Variants in FADS1 observed in about 807,000 individuals in gnomAD.
The protein encoded by FADS1 is fatty acid desaturase 1.
Under a neutral mutation model 61.6 loss-of-function variants are expected in FADS1, and 17 were observed. The observed-to-expected ratio is 0.28, with a 90% CI of 0.19 to 0.41. The LOEUF (loss-of-function observed/expected upper bound fraction) is 0.41, where lower values mean the gene tolerates loss of function less well. Ranked by LOEUF, FADS1 falls within the 10% of genes least tolerant of loss-of-function variation. The pLI is 1.00. For missense variants in FADS1, 387 were observed against 650.9 expected (o/e 0.59, Z 4.41); for synonymous variants, 238 against 258.7 (o/e 0.92, Z 0.77).
intron 1 of FADS1, chr11:61,814,905 G>A (rs2066963995): frequency 1.3e-5 from 2 of 152,584 alleles, no homozygotes; most frequent in South Asian, 4.1e-4. Flanking sequence ...CTTTCAATAA[G>A]TCCCTTTCCT....
In FADS1 at chr11:61,802,939, CG is replaced by C. The variant is rs770080578; in HGVS notation, c.1329-14del. The C allele has an allele frequency of 4.2e-5, 68 of 1,612,682 alleles. No homozygotes were observed. The highest frequency in any genetic ancestry group is 3.1e-4 in the East Asian group (14 of 44,878). On this transcript the variant is annotated splice_polypyrimidine_tract_variant and intron_variant, in intron 10 of 11. Coordinates refer to ENST00000350997, the MANE Select transcript of FADS1 (RefSeq NM_013402.7). The surrounding 1 kb of genome is among the most constrained non-coding windows in gnomAD (Gnocchi z 4.2). ...CGTGGGAAAAAGACTTTAGGGAGAA[CG>C]GGGGAGTCAGTGGTTCCTGCTTCTC...
chr11:61,813,439 C>T (rs532263086), intron 1 of FADS1, 86 bp from the exon 2 acceptor site: 213 of 756,300 alleles, frequency 2.8e-4, no homozygotes, highest in Non-Finnish European at 4.3e-4. Flanking sequence ...TCCTCCTGCC[C>T]GCCAGAAGGC....
Position 61,811,071 on chromosome 11 carries a change from T to C in FADS1, c.689A>G (p.Gln230Arg). The C allele has an allele frequency of 6.2e-7, 1 of 1,612,458 alleles. No individual in the cohort carries two copies. Among genetic ancestry groups the C allele is most frequent in the Non-Finnish European group, 8.5e-7 (1 of 1,179,808 alleles). The change falls in exon 4 of 12, where the codon CAG (glutamine) becomes CGG (arginine). Residue 230 changes from glutamine to arginine, a missense_variant. By Grantham distance (43) the Gln-to-Arg change is conservative. Coordinates refer to ENST00000350997, the MANE Select transcript of FADS1 (RefSeq NM_013402.7). ...AAAGTCATGCTGCAGCCAGCCAGCC[T>C]GGGCCTAGGTGAGAAGAGTCAACAC... ...CAVLLSAVQAQAGWLQHDFGH... is the reference protein window; with the variant it reads ...CAVLLSAVQARAGWLQHDFGH...
At position 61,803,346 on chromosome 11, in the gene FADS1, G is replaced by A. The variant is rs1278730733; in HGVS notation, c.1248+17C>T. ...TAGTTGTGTTATGCTCCAGTCTTCTGAGTGACTGTCCCTTACCTGGGTGGA... is the reference window on the plus strand; with the variant it reads ...TAGTTGTGTTATGCTCCAGTCTTCTAAGTGACTGTCCCTTACCTGGGTGGA... On this transcript the variant is annotated intron_variant, in intron 9 of 11. Transcript: ENST00000350997. This position sits in a 1 kb window ranked among gnomAD's most constrained non-coding sequence, Gnocchi z 4.3. 1 of 1,591,244 alleles carries A rather than the reference G, an allele frequency of 6.3e-7. No individual in the cohort carries two copies. The highest frequency in any genetic ancestry group is 8.6e-7 in the Non-Finnish European group (1 of 1,159,134).
At chr11:61,804,606 G>A in intron 7 of FADS1, 79 bp downstream of exon 7, 3 of 1,186,782 alleles carry the variant, frequency 2.5e-6, no homozygotes, top group Non-Finnish European at 3.7e-6. Context: ...TCAGTCTCAA[G>A]TTTCCCCTGG....
At position 61,812,489 on chromosome 11, in the gene FADS1, C is replaced by T; in HGVS notation, c.666G>A (p.Val222=). Residue 222 remains valine, a synonymous_variant, in exon 3 of 12, where the codon GTG becomes GTA. Coordinates refer to ENST00000350997, the MANE Select transcript of FADS1 (RefSeq NM_013402.7). The part of the protein sequence containing the change: ...TSFLPFLLCA[V]LLSAVQAQAG... ...CTCTCACCTGAACTGCACTGAGCAG[C>T]ACCGCACAGAGGAGGAAGGGCAAAA... 4 of 1,614,024 alleles carry T rather than the reference C, an allele frequency of 2.5e-6. No individual in the cohort carries two copies. Among genetic ancestry groups the T allele is most frequent in the Non-Finnish European group, 3.4e-6 (4 of 1,180,018 alleles).
Position 61,816,380 on chromosome 11 carries a change from C to A in FADS1, c.375+175G>T, listed in dbSNP as rs751709749. 7 of 1,598,502 alleles carry A rather than the reference C, an allele frequency of 4.4e-6. No homozygotes were observed. In the Admixed American group the frequency reaches 1.2e-4, roughly 27 times the overall value. On this transcript the variant is annotated intron_variant, in intron 1 of 11. Coordinates refer to ENST00000350997, the MANE Select transcript of FADS1 (RefSeq NM_013402.7). The surrounding 1 kb of genome is among the most constrained non-coding windows in gnomAD (Gnocchi z 7.0). ...ACTCCACTTCTCCAGGCCTCTCTCC[C>A]GCCTTTTCATCCCGCATCCGCAGGA...
intron 5 of FADS1, 89 bp downstream of exon 5, chr11:61,810,662 C>T: frequency 3.3e-6 from 5 of 1,536,818 alleles, no homozygotes; most frequent in Non-Finnish European, 3.6e-6. Flanking sequence ...GTCTTGCCCA[C>T]ACTGACAACA....
chr11:61,810,092 C>T (rs975462712), intron 5 of FADS1, among the ~76,000 whole-genome samples: 9 of 152,204 alleles, frequency 5.9e-5, no homozygotes, highest in Admixed American at 5.9e-4. Flanking sequence ...ATTCTGCTGG[C>T]CTTTTAGAAC....
chr11:61,806,855 A>G (rs2066898356), intron 5 of FADS1, 131 bp from the exon 6 acceptor site: 1 of 806,770 alleles, frequency 1.2e-6, no homozygotes, highest in Non-Finnish European at 2.2e-6. Context: ...GGAAAGCTCC[A>G]AGAGGCCCAG....
In FADS1 at chr11:61,815,890, C is replaced by T. The variant is rs1355137892; in HGVS notation, c.375+665G>A. 1 of 229,350 alleles carries T rather than the reference C, an allele frequency of 4.4e-6. No individual in the cohort carries two copies. The highest frequency in any genetic ancestry group is 8.6e-6 in the Non-Finnish European group (1 of 115,828). 14.2% of individuals were successfully genotyped at this position (229,350 alleles called of 1,614,324 possible). A position where few individuals can be genotyped will look rare whatever the true frequency, so the allele number is the denominator to read the frequency against. On this transcript the variant is annotated intron_variant, in intron 1 of 11. Transcript: ENST00000350997. This position sits in a 1 kb window ranked among gnomAD's most constrained non-coding sequence, Gnocchi z 6.4. ...CGATTCGAGAACAGCTCTGGGGGTC[C>T]TCGCTAAGTGTATGCCATTCCCAAT...
rs1183413227 is a variant in FADS1, at chr11:61,803,304, C to T, written c.1248+59G>A. 6.9e-7 allele frequency: 1 copy of T among 1,451,086 alleles called. No homozygotes were observed. The highest frequency in any genetic ancestry group is 9.7e-7 in the Non-Finnish European group (1 of 1,031,458). The allele number at this position is 1,451,086 out of a possible 1,614,324, so 89.9% of individuals were successfully genotyped here. On this transcript the variant is annotated intron_variant, in intron 9 of 11. Transcript: ENST00000350997. The surrounding 1 kb of genome is among the most constrained non-coding windows in gnomAD (Gnocchi z 4.3). ...GACTTTTTGTTTTTGCTGTTTTCAC[C>T]TACGCATCCTTTTCAATAGTTGTGT...
chr11:61,805,677 T>G (rs766137364), intron 6 of FADS1: 1 of 152,222 alleles, frequency 6.6e-6, no homozygotes, highest in Non-Finnish European at 1.5e-5. Flanking sequence ...TTCCCTTCCT[T>G]CTTTAAAAAA....
intron 6 of FADS1, chr11:61,805,291 CTG>C (rs1014028068): frequency 6.4e-6 from 1 of 156,428 alleles, no homozygotes; most frequent in African/African-American, 2.4e-5. Context: ...CCTTCACAGG[CTG>C]TGAAGCTCAC....
chr11:61,813,792 C>A (rs1016192057), intron 1 of FADS1, among the ~76,000 whole-genome samples: 6 of 151,918 alleles, frequency 3.9e-5, no homozygotes, highest in Non-Finnish European at 8.8e-5. Context: ...AGTGAAACCC[C>A]GTCTCTACTA....
At chr11:61,813,131 C>G in intron 2 of FADS1, 112 bp downstream of exon 2, 1 of 771,246 alleles carries the variant, frequency 1.3e-6, no homozygotes, top group South Asian at 1.4e-5. Context: ...CTCCCCAGAG[C>G]TACTACTGAC....
intron 2 of FADS1, 60 bp downstream of exon 2, chr11:61,813,183 A>T: frequency 2.0e-6 from 2 of 983,202 alleles, no homozygotes; most frequent in Non-Finnish European, 3.3e-6. Flanking sequence ...CTCTCCTTCC[A>T]CCCCCTCTCT....
rs912765257 is a variant in FADS1 at position 61,816,092 on chromosome 11, T to G, written c.375+463A>C. 1.6e-5 allele frequency: 10 copies of G among 613,362 alleles called. No individual in the cohort carries two copies. In the African/African-American group the frequency reaches 1.9e-4, roughly 11 times the overall value. The allele number at this position is 613,362 out of a possible 1,614,324, so 38.0% of individuals were successfully genotyped here. Reference sequence around the variant, plus strand: ...CTCCCTCTCCGCTCCTGCTGGCGAGTGGAGACCGGCACCTAGGTCCAGACG... The same window carrying G: ...CTCCCTCTCCGCTCCTGCTGGCGAGGGGAGACCGGCACCTAGGTCCAGACG... On this transcript the variant is annotated intron_variant, in intron 1 of 11. Coordinates refer to ENST00000350997, the MANE Select transcript of FADS1 (RefSeq NM_013402.7). The surrounding 1 kb of genome is among the most constrained non-coding windows in gnomAD (Gnocchi z 7.0).
rs1460722941 is a variant in FADS1, at chr11:61,803,943, C to T, written c.1054-176G>A. 2 of 612,720 alleles carry T rather than the reference C, an allele frequency of 3.3e-6. No homozygotes were observed. Among genetic ancestry groups the T allele is most frequent in the East Asian group, 5.5e-5 (2 of 36,294 alleles). The allele number at this position is 612,720 out of a possible 1,614,324, so 38.0% of individuals were successfully genotyped here. On this transcript the variant is annotated intron_variant, in intron 7 of 11. Coordinates refer to ENST00000350997, the MANE Select transcript of FADS1 (RefSeq NM_013402.7). The surrounding 1 kb of genome is among the most constrained non-coding windows in gnomAD (Gnocchi z 4.3). ...TGCCACTGCTCCTTTCTTCCATTCC[C>T]ATTGGCACCCCCCAGCCCTTCTTGC...
Sources: gnomAD v4.1 joint callset for allele counts (sites outside exome capture counted in the v4.1 genomes callset) on GRCh38, gnomAD v4.1.1 for gene constraint, Gnocchi (gnomAD v3.1) non-coding constraint, MANE v1.5 for transcripts, NCBI Gene and HGNC (gene_info 2026-07-23, HGNC 2026-07-21) for gene names.